The following CHST8 variants were observed in gnomAD, a reference collection of about 807,000 sequenced individuals.
The protein encoded by CHST8 is GALNAC-4-ST1.
A neutral mutation model predicts 15.0 loss-of-function variants in CHST8; 10 were observed. The ratio of observed to expected loss-of-function variants is 0.67; its 90% confidence interval spans 0.41 to 1.13. The LOEUF (loss-of-function observed/expected upper bound fraction) is 1.13, where lower values mean the gene tolerates loss of function less well. CHST8 is among the 50% of genes most tolerant of loss of function. The pLI is 0.00. For missense variants in CHST8, 634 were observed against 608.2 expected (o/e 1.04, Z -0.45); for synonymous variants, 259 against 256.6 (o/e 1.01, Z -0.09).
chr19:33,761,191 C>G (rs1974719690), intron 3 of CHST8, among the ~76,000 whole-genome samples: 1 of 152,164 alleles, frequency 6.6e-6, no homozygotes. Context: ...CTTGTTCTTC[C>G]AGGCCCACAT....
chr19:33,645,023 C>A (rs749338059), intron 1 of CHST8, among the ~76,000 whole-genome samples: 1 of 152,188 alleles, frequency 6.6e-6, no homozygotes, highest in African/African-American at 2.4e-5. Flanking sequence ...CTCCTGGCAT[C>A]TGGTGGCTAC....
intron 1 of CHST8, among the ~76,000 whole-genome samples, chr19:33,630,395 G>A (rs1317850368): frequency 6.6e-6 from 1 of 152,248 alleles, no homozygotes; most frequent in Non-Finnish European, 1.5e-5. Context: ...GCCGGTGCGT[G>A]GGGAAGGCAG....
At chr19:33,626,783 C>CTTTTTTTTTTTTT (rs373066494) in intron 1 of CHST8, among the ~76,000 whole-genome samples, 3 of 133,480 alleles carry the variant, frequency 2.2e-5, no homozygotes, top group Non-Finnish European at 4.7e-5. Context: ...TTTTTTTTTC[C>CTTTTTTTTTTTTT]TTTTTTTTTT....
At chr19:33,688,287 G>A (rs1198142970) in intron 2 of CHST8, among the ~76,000 whole-genome samples, 1 of 152,238 alleles carries the variant, frequency 6.6e-6, no homozygotes, top group African/African-American at 2.4e-5. Flanking sequence ...TGGTATGTGG[G>A]GGATGGGGAA....
Position 33,743,070 on chromosome 19 carries a change from G to A in CHST8, c.131-28343G>A, listed in dbSNP as rs1974228578. Among the ~76,000 whole-genome samples, 3 of 151,288 alleles carry A rather than the reference G, an allele frequency of 2.0e-5. No homozygotes were observed. In the Admixed American group the frequency reaches 2.0e-4, roughly 10 times the overall value. On this transcript the variant is annotated intron_variant, in intron 3 of 4. Transcript: ENST00000650847. ...CTGCCCTCTGCAATATAGGCTGGTG[G>A]CCCTCTGTTCATTGAAGACACTACA...
chr19:33,696,863 G>A (rs1156282824), intron 3 of CHST8, among the ~76,000 whole-genome samples: 4 of 147,910 alleles, frequency 2.7e-5, no homozygotes, highest in East Asian at 2.0e-4. Context: ...TTTTTGAGAC[G>A]GAGTTTTGCT....
At position 33,772,947 on chromosome 19, in the gene CHST8, A is replaced by G. The variant is rs754307523; in HGVS notation, c.1159A>G (p.Ile387Val). ...HSQEARTTAR[I>V]AHQYFAQLSA... is the part of the protein sequence containing the mutation. ...GCAGGAGGCGCGGACCACAGCGAGG[A>G]TCGCCCACCAGTACTTCGCCCAACT... The change falls in exon 5 of 5, where the codon ATC (isoleucine) becomes GTC (valine). Residue 387 changes from isoleucine to valine, a missense_variant. Transcript: ENST00000650847. 1.2e-6 allele frequency: 2 copies of G among 1,613,458 alleles called. No homozygotes were observed. Among genetic ancestry groups the G allele is most frequent in the South Asian group, 2.2e-5 (2 of 91,088 alleles).
intron 3 of CHST8, among the ~76,000 whole-genome samples, chr19:33,765,561 G>GTC (rs1280901510): frequency 0.069 from 9,444 of 136,106 alleles, 235 homozygotes; most frequent in Middle Eastern, 0.15. Flanking sequence ...GTGTCAGAGA[G>GTC]AGAGAGAGAG....
chr19:33,727,657 GC>G (rs946862325), intron 3 of CHST8, among the ~76,000 whole-genome samples: 2 of 152,170 alleles, frequency 1.3e-5, no homozygotes, highest in African/African-American at 4.8e-5. Flanking sequence ...TTTCCTCCAG[GC>G]CCCCCGGAAG....
At chr19:33,651,311 C>G (rs548809291) in intron 1 of CHST8, among the ~76,000 whole-genome samples, 28 of 151,948 alleles carry the variant, frequency 1.8e-4, no homozygotes, top group Admixed American at 1.2e-3. Context: ...TTGTTCTATT[C>G]CTGACTTTAA....
At chr19:33,672,251 G>A (rs1287919767) in intron 2 of CHST8, among the ~76,000 whole-genome samples, 2 of 152,068 alleles carry the variant, frequency 1.3e-5, no homozygotes, top group Admixed American at 1.3e-4. Flanking sequence ...AGGCTGGAGT[G>A]CAGTAGTGCA....
At chr19:33,738,079 T>G (rs990128712) in intron 3 of CHST8, among the ~76,000 whole-genome samples, 1 of 152,226 alleles carries the variant, frequency 6.6e-6, no homozygotes, top group African/African-American at 2.4e-5. Context: ...GATGAGGATA[T>G]GACATGCTGC....
At chr19:33,671,303 T>C (rs1021867658) in intron 2 of CHST8, among the ~76,000 whole-genome samples, 1 of 152,212 alleles carries the variant, frequency 6.6e-6, no homozygotes, top group Non-Finnish European at 1.5e-5. Context: ...GATTTTCACA[T>C]GAGAATGGTG....
intron 2 of CHST8, among the ~76,000 whole-genome samples, chr19:33,682,712 G>C (rs922978004): frequency 6.6e-6 from 1 of 152,224 alleles, no homozygotes; most frequent in African/African-American, 2.4e-5. Flanking sequence ...AGTCACCCAT[G>C]TTGTAGCATG....
intron 3 of CHST8, among the ~76,000 whole-genome samples, chr19:33,767,837 T>C (rs1344473258): frequency 1.3e-5 from 2 of 151,500 alleles, no homozygotes; most frequent in Non-Finnish European, 1.5e-5. Context: ...GAAGAGGAGG[T>C]GGGTTGTGGC....
At chr19:33,744,856 C>A (rs185915496) in intron 3 of CHST8, among the ~76,000 whole-genome samples, 2 of 152,320 alleles carry the variant, frequency 1.3e-5, no homozygotes, top group East Asian at 1.9e-4. Flanking sequence ...TCAAGCAATT[C>A]TCCTGCCTCA....
At position 33,772,974 on chromosome 19, in the gene CHST8, T is replaced by A; in HGVS notation, c.1186T>A (p.Ser396Thr). Residue 396 changes from serine to threonine, a missense_variant, in exon 5 of 5, where the codon TCG (serine) becomes ACG (threonine). Ser to Thr is a moderately conservative substitution (Grantham distance 58). Transcript: ENST00000650847. ...RIAHQYFAQL[S>T]ALQRQRTYDF... Reference sequence around the variant, plus strand: ...CGCCCACCAGTACTTCGCCCAACTCTCGGCCCTGCAAAGGCAGCGCACCTA... The same window carrying A: ...CGCCCACCAGTACTTCGCCCAACTCACGGCCCTGCAAAGGCAGCGCACCTA... 2 of 1,613,572 alleles carry A rather than the reference T, an allele frequency of 1.2e-6. No individual in the cohort carries two copies. Among genetic ancestry groups the A allele is most frequent in the Non-Finnish European group, 1.7e-6 (2 of 1,180,018 alleles).
chr19:33,629,005 T>C (rs1972091095), intron 1 of CHST8, among the ~76,000 whole-genome samples: 1 of 152,182 alleles, frequency 6.6e-6, no homozygotes, highest in African/African-American at 2.4e-5. Flanking sequence ...GTTCTTCCAC[T>C]GCCTTCCTCT....
intron 3 of CHST8, among the ~76,000 whole-genome samples, chr19:33,720,160 G>A (rs1264947553): frequency 6.6e-6 from 1 of 152,226 alleles, no homozygotes; most frequent in East Asian, 1.9e-4. Context: ...GGGAGGGACA[G>A]GAGGGACTGT....
Sources: allele counts gnomAD v4.1 joint callset (sites outside exome capture counted in the v4.1 genomes callset), GRCh38; gene constraint gnomAD v4.1.1; transcripts MANE v1.5; gene names NCBI Gene and HGNC (gene_info 2026-07-23, HGNC 2026-07-21).